Variants in MTFR1 observed in about 807,000 individuals in gnomAD.
MTFR1 encodes the protein chondrocyte protein with a poly-proline region.
Under a neutral mutation model 38.8 loss-of-function variants are expected in MTFR1, and 28 were observed. The ratio of observed to expected loss-of-function variants is 0.72; its 90% CI spans 0.53 to 0.99. The LOEUF is 0.99. MTFR1 is among the 50% of genes least tolerant of loss of function. The pLI, the probability that MTFR1 is intolerant of heterozygous loss-of-function variation, is 0.00. For missense variants in MTFR1, 358 were observed against 395.5 expected (o/e 0.91, Z 0.81); for synonymous variants, 145 against 137.0 (o/e 1.06, Z -0.41).
At chr8:65,735,038 C>T (rs1360585226) in intron 3 of MTFR1, 4 of 618,822 alleles carry the variant, frequency 6.5e-6, no homozygotes, top group Non-Finnish European at 1.2e-5. Context: ...ATGATAATCA[C>T]CTCACAACTC....
chr8:65,715,981 A>G (rs1281359165), intron 2 of MTFR1, among the ~76,000 whole-genome samples: 1 of 127,398 alleles, frequency 7.8e-6, no homozygotes, highest in Non-Finnish European at 1.6e-5. Context: ...TGGGCGACAG[A>G]GCAAGGCTCT....
intron 4 of MTFR1, among the ~76,000 whole-genome samples, chr8:65,702,068 A>G (rs574609572): frequency 6.6e-6 from 1 of 152,168 alleles, no homozygotes; most frequent in East Asian, 1.9e-4. Context: ...TGAAATATAA[A>G]ACAACAGAAG....
At chr8:65,743,163 A>C (rs1807517151) in intron 3 of MTFR1, among the ~76,000 whole-genome samples, 1 of 152,252 alleles carries the variant, frequency 6.6e-6, no homozygotes, top group Non-Finnish European at 1.5e-5. Context: ...GAAAATGTTA[A>C]GAGTGGCATT....
At chr8:65,657,922 ACATT>A (rs1223415142) in intron 1 of MTFR1, among the ~76,000 whole-genome samples, 1 of 152,182 alleles carries the variant, frequency 6.6e-6, no homozygotes, top group Non-Finnish European at 1.5e-5. Flanking sequence ...TGTGTTGGCA[ACATT>A]CAGTATCATA....
rs1203498172 is a variant in MTFR1, at chr8:65,682,899, A to AT, written c.165+450dup. ...GTCATTGGTTTCAAGATCAGCATTA[A>AT]TTATAGGATCCATTGCCTTGGCAAT... On this transcript the variant is annotated intron_variant, in intron 3 of 7. Transcript: ENST00000262146. 9 of 985,264 alleles carry AT rather than the reference A, an allele frequency of 9.1e-6. No individual in the cohort carries two copies. The East Asian group carries it at 7.9e-4, about 87-fold the overall frequency. The allele number at this position is 985,264 out of a possible 1,614,324, so 61.0% of individuals were successfully genotyped here.
downstream of MTFR1, among the ~76,000 whole-genome samples, chr8:65,712,021 TG>T (rs1470807045): frequency 6.6e-6 from 1 of 152,184 alleles, no homozygotes; most frequent in African/African-American, 2.4e-5. Context: ...AGCCTTAATT[TG>T]GGGAGAAAGG....
At position 65,707,866 on chromosome 8, in the gene MTFR1, A is replaced by C. The variant is rs1805831215; in HGVS notation, c.788A>C (p.Lys263Thr). The C allele has an allele frequency of 6.2e-7, 1 of 1,614,056 alleles. No homozygotes were observed. The highest frequency in any genetic ancestry group is 8.5e-7 in the Non-Finnish European group (1 of 1,180,012). Residue 263 changes from lysine (K) to threonine (T), a missense_variant, in exon 7 of 8, where the codon AAG becomes ACG. Physicochemically the swap from Lys to Thr is moderately conservative, Grantham distance 78. Coordinates refer to ENST00000262146, the MANE Select transcript of MTFR1 (RefSeq NM_014637.4). The stretch of plus-strand genomic sequence containing the variant: ...AGGTCAGAGCAAGATGTGAAGCCCA[A>C]GCCAGTGGATGCTACTGACCCTGCT... ...VKRSEQDVKPKPVDATDPAAL... is the reference protein window; with the variant it reads ...VKRSEQDVKPTPVDATDPAAL...
chr8:65,682,586 A>T (rs984577650), intron 3 of MTFR1, 135 bp downstream of exon 3: 1 of 598,088 alleles, frequency 1.7e-6, no homozygotes, highest in East Asian at 5.0e-5. Flanking sequence ...ATAGAAGAGG[A>T]TTAAAAACCA....
At chr8:65,740,210 C>T (rs373461306) in intron 3 of MTFR1, among the ~76,000 whole-genome samples, 4 of 152,034 alleles carry the variant, frequency 2.6e-5, no homozygotes, top group African/African-American at 4.8e-5. Flanking sequence ...GGCAGAATAT[C>T]GCTACAAACT....
chr8:65,647,505 T>G (rs2129046561), intron 1 of MTFR1, among the ~76,000 whole-genome samples: 1 of 152,314 alleles, frequency 6.6e-6, no homozygotes, highest in South Asian at 2.1e-4. Context: ...AGACAGAGTT[T>G]CACCATGTTG....
chr8:65,664,523 A>G (rs765542208), intron 1 of MTFR1, among the ~76,000 whole-genome samples: 1 of 152,188 alleles, frequency 6.6e-6, no homozygotes, highest in East Asian at 1.9e-4. Context: ...AGGTATATAC[A>G]TATATAAAAA....
chr8:65,653,448 G>T (rs1809174353), intron 1 of MTFR1, among the ~76,000 whole-genome samples: 2 of 152,126 alleles, frequency 1.3e-5, no homozygotes. Flanking sequence ...GGAGGTGGAG[G>T]TTGCAGTTAG....
intron 3 of MTFR1, among the ~76,000 whole-genome samples, chr8:65,759,024 G>C (rs1247000317): frequency 6.6e-6 from 1 of 152,128 alleles, no homozygotes; most frequent in East Asian, 1.9e-4. Context: ...AACATGTCTT[G>C]ACTCAGCCCA....
Position 65,709,021 on chromosome 8 carries a change from A to T in MTFR1, c.979A>T (p.Ile327Phe), listed in dbSNP as rs767087348. 12 of 1,614,022 alleles carry T rather than the reference A, an allele frequency of 7.4e-6. No individual in the cohort carries two copies. The Admixed American group carries it at 1.7e-4, about 22-fold the overall frequency. The change falls in exon 8 of 8, where the codon ATT becomes TTT. Residue 327 changes from isoleucine to phenylalanine, a missense_variant. Transcript: ENST00000262146. ...GCCAACAGGAAAAATGAAGGCTTTA[A>T]TTGAAAATGTATCAGACTCCTAATA... ...LKPTGKMKAL[I>F]ENVSDS
At chr8:65,676,548 A>G (rs1233420749) in intron 2 of MTFR1, among the ~76,000 whole-genome samples, 1 of 151,846 alleles carries the variant, frequency 6.6e-6, no homozygotes, top group Non-Finnish European at 1.5e-5. Context: ...ATTTTTAGTA[A>G]AGACAGGGTT....
chr8:65,727,474 T>C (rs1563472135), intron 3 of MTFR1: 2 of 793,236 alleles, frequency 2.5e-6, no homozygotes, highest in African/African-American at 3.5e-5. Flanking sequence ...CAGGTCCTGA[T>C]CTCATCACCA....
At chr8:65,703,429 T>G (rs867989189) in intron 4 of MTFR1, among the ~76,000 whole-genome samples, 36 of 118,612 alleles carry the variant, frequency 3.0e-4, no homozygotes, top group African/African-American at 1.2e-3. Context: ...GTTTTTTTTT[T>G]TTTTTTTTTT....
At chr8:65,666,295 T>TA (rs148107163) in intron 1 of MTFR1, among the ~76,000 whole-genome samples, 29,172 of 152,072 alleles carry the variant, frequency 0.19, 2,945 homozygotes, top group Middle Eastern at 0.23. Context: ...TAATCCCAGC[T>TA]CTCAGGAGGC....
At chr8:65,723,660 A>G (rs536075730) in intron 3 of MTFR1, 3 of 1,371,682 alleles carry the variant, frequency 2.2e-6, no homozygotes, top group South Asian at 2.9e-5. Flanking sequence ...TATGAAGAAT[A>G]TCTATTGGTT....
Sources: gnomAD v4.1 joint callset for allele counts (sites outside exome capture counted in the v4.1 genomes callset) on GRCh38, gnomAD v4.1.1 for gene constraint, MANE v1.5 for transcripts, NCBI Gene and HGNC (gene_info 2026-07-23, HGNC 2026-07-21) for gene names.